Variants in PDE1C observed in about 807,000 individuals in gnomAD.
PDE1C encodes phosphodiesterase 1C, also known as dual specificity calcium/calmodulin-dependent 3',5'-cyclic nucleotide phosphodiesterase 1C.
PDE1C carries 62 observed loss-of-function variants against 93.1 expected under a neutral mutation model. The ratio of observed to expected loss-of-function variants is 0.67; its 90% CI spans 0.54 to 0.82. PDE1C has a LOEUF of 0.82. PDE1C is among the 40% of genes least tolerant of loss of function. The pLI is 0.00. For synonymous variants in PDE1C, 325 were observed against 310.1 expected (o/e 1.05, Z -0.50); for missense variants, 742 against 884.6 (o/e 0.84, Z 2.04).
At chr7:32,285,124 C>G (rs1288513746) in intron 1 of PDE1C, among the ~76,000 whole-genome samples, 5 of 152,180 alleles carry the variant, frequency 3.3e-5, no homozygotes, top group African/African-American at 1.2e-4. Flanking sequence ...GCATGGAGCC[C>G]AGAAATCCTT....
At chr7:31,923,675 A>G (rs1277733635) in intron 2 of PDE1C, among the ~76,000 whole-genome samples, 1 of 152,160 alleles carries the variant, frequency 6.6e-6, no homozygotes, top group Non-Finnish European at 1.5e-5. Context: ...AGCCTATGGG[A>G]GCTCAGAAGT....
chr7:32,214,498 GT>G (rs986795181), intron 1 of PDE1C, among the ~76,000 whole-genome samples: 3 of 152,146 alleles, frequency 2.0e-5, no homozygotes, highest in Non-Finnish European at 4.4e-5. Context: ...AAGCATCAGT[GT>G]TTTTTAAGCC....
intron 1 of PDE1C, among the ~76,000 whole-genome samples, chr7:32,425,164 C>T (rs6462364): frequency 0.18 from 27,255 of 151,590 alleles, 2,571 homozygotes; most frequent in East Asian, 0.3. Context: ...TTATAAAGTA[C>T]AAGTTTTAGA....
intron 1 of PDE1C, among the ~76,000 whole-genome samples, chr7:32,415,492 G>A (rs1479543887): frequency 6.6e-6 from 1 of 152,086 alleles, no homozygotes; most frequent in Non-Finnish European, 1.5e-5. Flanking sequence ...TTTAAGAATA[G>A]ATGTTTGAGG....
At chr7:32,012,493 A>G (rs542117952) in intron 2 of PDE1C, among the ~76,000 whole-genome samples, 6 of 152,202 alleles carry the variant, frequency 3.9e-5, no homozygotes, top group Non-Finnish European at 8.8e-5. Flanking sequence ...TTTCAACATG[A>G]GATTTGGAAG....
chr7:31,966,638 T>C (rs11983115), intron 2 of PDE1C, among the ~76,000 whole-genome samples: 99,760 of 152,040 alleles, frequency 0.66, 33,812 homozygotes, highest in African/African-American at 0.83. Context: ...CTCTCTACCC[T>C]AAATCAACAG....
chr7:31,870,628 A>G (rs890764611), intron 6 of PDE1C, among the ~76,000 whole-genome samples: 2 of 152,056 alleles, frequency 1.3e-5, no homozygotes, highest in African/African-American at 4.8e-5. Flanking sequence ...CCTGAAAAAG[A>G]GAAGTCTAGG....
chr7:32,152,471 T>C (rs1220475473), intron 3 of PDE1C, among the ~76,000 whole-genome samples: 1 of 152,198 alleles, frequency 6.6e-6, no homozygotes, highest in Non-Finnish European at 1.5e-5. Context: ...AAGTAGTCAC[T>C]TCAAAGCTGT....
At chr7:32,144,541 AACCTAT>A (rs1800717947) in intron 3 of PDE1C, among the ~76,000 whole-genome samples, 2 of 152,198 alleles carry the variant, frequency 1.3e-5, no homozygotes, top group African/African-American at 4.8e-5. Flanking sequence ...AGGTGGGATC[AACCTAT>A]GAGCTGGAAG....
chr7:31,669,969 T>C, the PDE1C span, among the ~76,000 whole-genome samples: 2 of 152,206 alleles, frequency 1.3e-5, no homozygotes, highest in Admixed American at 1.3e-4. Context: ...CCTTGGAATG[T>C]CTGACTCTCA....
the PDE1C span, among the ~76,000 whole-genome samples, chr7:31,679,822 T>C: frequency 5.3e-5 from 8 of 152,194 alleles, no homozygotes; most frequent in African/African-American, 1.9e-4. Context: ...TTTGACAGGC[T>C]TTGGCGACAC....
At chr7:32,054,692 C>T (rs536525760) in intron 1 of PDE1C, among the ~76,000 whole-genome samples, 6 of 152,322 alleles carry the variant, frequency 3.9e-5, no homozygotes, top group South Asian at 2.1e-4. Flanking sequence ...ACACGCCCCT[C>T]GTTCATAGAT....
chr7:31,643,677 C>T, the PDE1C span: 3 of 1,614,062 alleles, frequency 1.9e-6, no homozygotes, highest in Non-Finnish European at 2.5e-6. Context: ...CTCTAAGCAA[C>T]AAGACCTTGA....
the PDE1C span, among the ~76,000 whole-genome samples, chr7:31,676,863 A>G: frequency 2.6e-5 from 4 of 152,208 alleles, no homozygotes; most frequent in Non-Finnish European, 4.4e-5. Flanking sequence ...AACCTCAATC[A>G]TGGACTCTCA....
the PDE1C span, among the ~76,000 whole-genome samples, chr7:31,742,281 T>C: frequency 6.6e-6 from 1 of 152,250 alleles, no homozygotes; most frequent in East Asian, 1.9e-4. Flanking sequence ...GTTTGTAACA[T>C]AAACTCAGAA....
chr7:32,146,429 A>G (rs895924685), intron 3 of PDE1C, among the ~76,000 whole-genome samples: 5 of 152,100 alleles, frequency 3.3e-5, no homozygotes, highest in Non-Finnish European at 5.9e-5. Flanking sequence ...GAAGCTGCCT[A>G]CATTCCTTGG....
the PDE1C span, among the ~76,000 whole-genome samples, chr7:31,645,760 G>A: frequency 6.6e-6 from 1 of 152,138 alleles, no homozygotes; most frequent in Non-Finnish European, 1.5e-5. Flanking sequence ...ACAACGGGAG[G>A]GGGGTGGTTG....
intron 3 of PDE1C, among the ~76,000 whole-genome samples, chr7:32,118,632 C>T (rs1799121859): frequency 6.6e-6 from 1 of 152,106 alleles, no homozygotes; most frequent in Non-Finnish European, 1.5e-5. Flanking sequence ...GGTGGAAAGG[C>T]AAACAAGCAC....
intron 2 of PDE1C, among the ~76,000 whole-genome samples, chr7:31,954,935 T>C (rs1807919202): frequency 6.6e-6 from 1 of 152,240 alleles, no homozygotes; most frequent in African/African-American, 2.4e-5. Context: ...CTTGCTTTCG[T>C]CAAGGCTCGG....
Sources: allele counts gnomAD v4.1 joint callset (sites outside exome capture counted in the v4.1 genomes callset), GRCh38; gene constraint gnomAD v4.1.1; transcripts MANE v1.5; gene names NCBI Gene and HGNC (gene_info 2026-07-23, HGNC 2026-07-21).